The following CREB5 variants were observed in gnomAD, a reference collection of about 807,000 sequenced individuals.
The protein encoded by CREB5 is cAMP responsive element binding protein 5.
Under a neutral mutation model 57.1 loss-of-function variants are expected in CREB5, and 19 were observed. The observed-to-expected ratio is 0.33, with a 90% CI of 0.23 to 0.49. The LOEUF (loss-of-function observed/expected upper bound fraction) is 0.49. CREB5 is among the 20% of genes least tolerant of loss of function. The pLI, the probability that CREB5 is intolerant of heterozygous loss-of-function variation, is 0.99. For missense variants in CREB5, 579 were observed against 671.6 expected (o/e 0.86, Z 1.52); for synonymous variants, 238 against 238.3 (o/e 1.00, Z 0.01).
intron 7 of CREB5, among the ~76,000 whole-genome samples, chr7:28,752,408 C>T (rs917389966): frequency 6.6e-6 from 1 of 152,144 alleles, no homozygotes; most frequent in African/African-American, 2.4e-5. Flanking sequence ...CTCAAGTGGC[C>T]CACCTGCCTC....
At chr7:28,776,251 C>T (rs1042777807) in intron 7 of CREB5, among the ~76,000 whole-genome samples, 1 of 150,804 alleles carries the variant, frequency 6.6e-6, no homozygotes, top group Non-Finnish European at 1.5e-5. Context: ...GGCGGAAGAA[C>T]GGCGTGATCC....
At chr7:28,353,927 G>C (rs1386915303) in intron 1 of CREB5, among the ~76,000 whole-genome samples, 1 of 152,070 alleles carries the variant, frequency 6.6e-6, no homozygotes, top group Non-Finnish European at 1.5e-5. Context: ...AAAGGGTGAT[G>C]AAGTGGACAC....
At chr7:28,767,593 G>A (rs1038142525) in intron 7 of CREB5, among the ~76,000 whole-genome samples, 1 of 152,184 alleles carries the variant, frequency 6.6e-6, no homozygotes, top group African/African-American at 2.4e-5. Context: ...ACACTGAGGA[G>A]CATTTTTAAC....
chr7:28,597,575 G>C (rs903840856), intron 5 of CREB5, among the ~76,000 whole-genome samples: 11 of 152,222 alleles, frequency 7.2e-5, no homozygotes, highest in Admixed American at 3.9e-4. Flanking sequence ...AATCCTGGGA[G>C]GAGTCCAAGG....
At chr7:28,727,260 C>G (rs1171425718) in intron 7 of CREB5, among the ~76,000 whole-genome samples, 1 of 152,144 alleles carries the variant, frequency 6.6e-6, no homozygotes, top group Non-Finnish European at 1.5e-5. Flanking sequence ...TCACAATGCA[C>G]GTATTGGATT....
intron 4 of CREB5, among the ~76,000 whole-genome samples, chr7:28,567,457 A>G (rs1324804815): frequency 6.6e-6 from 1 of 152,216 alleles, no homozygotes; most frequent in Non-Finnish European, 1.5e-5. Flanking sequence ...GTTATTGAGC[A>G]CTCTGATATA....
intron 4 of CREB5, among the ~76,000 whole-genome samples, chr7:28,568,018 AAGG>A (rs1795549592): frequency 6.6e-6 from 1 of 152,298 alleles, no homozygotes; most frequent in African/African-American, 2.4e-5. Context: ...GTATGGGAAA[AAGG>A]AGGAAAAGAA....
At chr7:28,596,019 A>G (rs567584646) in intron 5 of CREB5, among the ~76,000 whole-genome samples, 2 of 152,308 alleles carry the variant, frequency 1.3e-5, no homozygotes, top group African/African-American at 4.8e-5. Context: ...CTCCTAAATC[A>G]CAGTATCATG....
intron 1 of CREB5, among the ~76,000 whole-genome samples, chr7:28,374,682 G>C (rs1786786344): frequency 6.6e-6 from 1 of 152,152 alleles, no homozygotes; most frequent in Admixed American, 6.5e-5. Flanking sequence ...TGGTTGCCTG[G>C]AGCTGGGGGT....
At chr7:28,698,474 C>T (rs1157996377) in intron 5 of CREB5, among the ~76,000 whole-genome samples, 1 of 151,990 alleles carries the variant, frequency 6.6e-6, no homozygotes, top group Non-Finnish European at 1.5e-5. Flanking sequence ...CCTCCCAATA[C>T]TATCCAATTA....
chr7:28,722,375 C>T (rs772606623), intron 6 of CREB5, among the ~76,000 whole-genome samples: 2 of 152,102 alleles, frequency 1.3e-5, no homozygotes, highest in Non-Finnish European at 2.9e-5. Flanking sequence ...GGTCACCAGT[C>T]GGAATAAGGG....
chr7:28,638,977 G>A (rs1332760130), intron 5 of CREB5, among the ~76,000 whole-genome samples: 1 of 152,118 alleles, frequency 6.6e-6, no homozygotes, highest in Admixed American at 6.6e-5. Flanking sequence ...TAACAGATCT[G>A]CTTATTTTAA....
intron 9 of CREB5, among the ~76,000 whole-genome samples, chr7:28,812,456 T>C (rs1184498020): frequency 6.6e-6 from 1 of 152,178 alleles, no homozygotes; most frequent in Non-Finnish European, 1.5e-5. Context: ...TGATTTTTTT[T>C]CACATTTCTT....
intron 9 of CREB5, among the ~76,000 whole-genome samples, chr7:28,812,278 G>A (rs1288384480): frequency 1.3e-5 from 2 of 152,346 alleles, no homozygotes; most frequent in Non-Finnish European, 2.9e-5. Context: ...GGTATTGACT[G>A]TGATCCTAAT....
intron 10 of CREB5, chr7:28,818,825 A>G: frequency 1.9e-6 from 1 of 520,802 alleles, no homozygotes. Flanking sequence ...ACGGATGGCT[A>G]TTTAAAAAGA....
chr7:28,306,568 T>G lies in CREB5; in HGVS notation c.-25+7127T>G, dbSNP rs866214585. On this transcript the variant is annotated intron_variant, in intron 1 of 9. Transcript: ENST00000396299. ...TTTGTTTTTTTTGTTTTTTTTTTTT[T>G]TTTTTTTTTTGAGACGGAGTCTCGC... 2.5e-3 allele frequency among the ~76,000 whole-genome samples: 332 copies of G among 132,744 alleles called. 5 individuals are homozygous for G. Among genetic ancestry groups the G allele is most frequent in the African/African-American group, 3.8e-3 (133 of 35,408 alleles). The allele number at this position is 132,744 out of a possible 152,430, so 87.1% of individuals were successfully genotyped here.
intron 1 of CREB5, among the ~76,000 whole-genome samples, chr7:28,354,730 C>T (rs951334598): frequency 1.3e-5 from 2 of 152,160 alleles, no homozygotes; most frequent in African/African-American, 4.8e-5. Context: ...ACTTAAGAAC[C>T]CAGATGCTTG....
chr7:28,428,507 G>A (rs944727071), intron 1 of CREB5, among the ~76,000 whole-genome samples: 1 of 152,100 alleles, frequency 6.6e-6, no homozygotes, highest in Non-Finnish European at 1.5e-5. Context: ...TATTTTGAAG[G>A]TAAACCTAGC....
chr7:28,420,043 C>A (rs1192220060), intron 1 of CREB5, among the ~76,000 whole-genome samples: 2 of 151,882 alleles, frequency 1.3e-5, no homozygotes, highest in Non-Finnish European at 1.5e-5. Flanking sequence ...CACTAAAAAA[C>A]CAAAACAAAA....
Sources: allele counts gnomAD v4.1 joint callset (sites outside exome capture counted in the v4.1 genomes callset), GRCh38; gene constraint gnomAD v4.1.1; transcripts MANE v1.5; gene names NCBI Gene and HGNC (gene_info 2026-07-23, HGNC 2026-07-21).